TP53BP1: variants seen among roughly 807,000 people sequenced by gnomAD.
TP53BP1 encodes TP53-binding protein 1.
Under a neutral mutation model 200.8 loss-of-function variants are expected in TP53BP1, and 61 were observed. The ratio of observed to expected loss-of-function variants is 0.30; its 90% CI spans 0.25 to 0.38. The LOEUF (loss-of-function observed/expected upper bound fraction) is 0.38. Ranked by LOEUF, TP53BP1 falls within the 10% of genes least tolerant of loss-of-function variation. The pLI is 1.00. For missense variants in TP53BP1, 2,144 were observed against 2,371.9 expected (o/e 0.90, Z 2.00); for synonymous variants, 822 against 844.3 (o/e 0.97, Z 0.46).
chr15:43,495,159 C>G (rs1346561758), upstream of TP53BP1, among the ~76,000 whole-genome samples: 1 of 150,106 alleles, frequency 6.7e-6, no homozygotes, highest in Non-Finnish European at 1.5e-5. Flanking sequence ...ACACTGTGCT[C>G]CAGCCTGGGC....
At chr15:43,478,795 A>T (rs979132368) in intron 7 of TP53BP1, among the ~76,000 whole-genome samples, 8 of 152,256 alleles carry the variant, frequency 5.3e-5, no homozygotes, top group Admixed American at 4.6e-4. Context: ...GTTACTCTTC[A>T]TAACACCAGA....
intron 7 of TP53BP1, among the ~76,000 whole-genome samples, chr15:43,478,689 T>C (rs1462525884): frequency 1.3e-5 from 2 of 152,182 alleles, no homozygotes; most frequent in Non-Finnish European, 2.9e-5. Context: ...CATCTATCGA[T>C]ACCATAAAAT....
intron 12 of TP53BP1, among the ~76,000 whole-genome samples, chr15:43,449,216 C>G (rs1166431326): frequency 6.6e-6 from 1 of 152,118 alleles, no homozygotes; most frequent in Non-Finnish European, 1.5e-5. Context: ...AGACATCCAC[C>G]ATAGTTACAG....
intron 14 of TP53BP1, among the ~76,000 whole-genome samples, chr15:43,443,901 C>T (rs2045985297): frequency 6.6e-6 from 1 of 152,046 alleles, no homozygotes; most frequent in Non-Finnish European, 1.5e-5. Context: ...ATTCATGACC[C>T]AACATAATCT....
upstream of TP53BP1, among the ~76,000 whole-genome samples, chr15:43,494,747 G>C (rs1442013246): frequency 6.6e-6 from 1 of 152,178 alleles, no homozygotes; most frequent in Non-Finnish European, 1.5e-5. Context: ...ACCAGGTCCT[G>C]TTATGAGTAA....
chr15:43,480,914 T>C lies in TP53BP1; in HGVS notation c.480A>G (p.Thr160=), dbSNP rs749323697. The C allele has an allele frequency of 8.7e-6, 14 of 1,614,064 alleles. No homozygotes were observed. The African/African-American group carries it at 1.6e-4, about 18-fold the overall frequency. ...EKEEDTSGNT[T]HSLGAEDTAS... is the part of the protein sequence containing the mutation. ...GGCTACCTTCAGCACCAAGGGAATGTGTAGTATTGCCTGAAGTATCTTCTT... is the reference window on the plus strand; with the variant it reads ...GGCTACCTTCAGCACCAAGGGAATGCGTAGTATTGCCTGAAGTATCTTCTT... The change falls in exon 5 of 28, where the codon ACA becomes ACG. Residue 160 remains threonine, a synonymous_variant. Coordinates refer to ENST00000382044, the MANE Select transcript of TP53BP1 (RefSeq NM_001141980.3).
intron 18 of TP53BP1, among the ~76,000 whole-genome samples, chr15:43,424,291 A>G (rs1419002045): frequency 6.6e-6 from 1 of 152,134 alleles, no homozygotes; most frequent in East Asian, 1.9e-4. Context: ...ACTATTTGCC[A>G]CTTTCTTAAA....
At chr15:43,455,756 C>T in intron 12 of TP53BP1, 136 bp downstream of exon 12, 1 of 1,142,350 alleles carries the variant, frequency 8.8e-7, no homozygotes, top group East Asian at 2.6e-5. Flanking sequence ...AATTTAATTT[C>T]CCAATTATTA....
rs1261536727 is a variant in TP53BP1, at chr15:43,446,454, A to C, written c.2973T>G (p.Cys991Trp). The C allele has an allele frequency of 6.2e-7, 1 of 1,614,042 alleles. No homozygotes were observed. The highest frequency in any genetic ancestry group is 8.5e-7 in the Non-Finnish European group (1 of 1,180,038). Residue 991 changes from cysteine (C) to tryptophan (W), a missense_variant, in exon 14 of 28, where the codon TGT (cysteine) becomes TGG (tryptophan). Cys to Trp is a radical substitution (Grantham distance 215, BLOSUM62 -2). Around this residue, in one of 4 missense-constraint regions of TP53BP1, gnomAD observed 1,700 missense variants for 1,710.3 expected, o/e 0.99. Coordinates refer to ENST00000382044, the MANE Select transcript of TP53BP1 (RefSeq NM_001141980.3). ...CAGGACTAACCAGTTTCATTCTTAG[A>C]CATAATTTATCATCCACGTCTGGGG... ...GAAPDVDDKL[C>W]LRMKLVSPET...
chr15:43,422,007 G>A lies in TP53BP1; in HGVS notation c.3948C>T (p.Ser1316=), dbSNP rs577280345. Residue 1316 remains serine, a synonymous_variant, in exon 19 of 28, where the codon AGC becomes AGT. Coordinates refer to ENST00000382044, the MANE Select transcript of TP53BP1 (RefSeq NM_001141980.3). ...TTGTCCCACTTGATGTGCGGTGTAA[G>A]CTGGATGCCTTGGAGGAGAAGGAGC... is the stretch of plus-strand genomic sequence containing the variant. ...DISSFSSKAS[S]LHRTSSGTSL... is the part of the protein sequence containing the mutation. 146 of 1,614,194 alleles carry A rather than the reference G, an allele frequency of 9.0e-5. No homozygotes were observed. The South Asian group carries it at 1.5e-3, about 17-fold the overall frequency.
upstream of TP53BP1, among the ~76,000 whole-genome samples, chr15:43,495,533 A>ACACACACACACACAC (rs56809321): frequency 1.4e-5 from 2 of 143,162 alleles, no homozygotes; most frequent in African/African-American, 5.1e-5. Context: ...ACACACACAC[A>ACACACACACACACAC]AAAGCCAGGT....
At chr15:43,463,955 C>T (rs2046500190) in intron 11 of TP53BP1, among the ~76,000 whole-genome samples, 1 of 152,186 alleles carries the variant, frequency 6.6e-6, no homozygotes, top group African/African-American at 2.4e-5. Context: ...ACCTCTAGTA[C>T]AGCCAGGCCA....
intron 10 of TP53BP1, 147 bp downstream of exon 10, chr15:43,474,526 T>A (rs1270863760): frequency 1.5e-4 from 57 of 377,238 alleles, no homozygotes; most frequent in East Asian, 4.3e-4. Flanking sequence ...GTAGGTCACA[T>A]CCCTAAAGGT....
intron 11 of TP53BP1, among the ~76,000 whole-genome samples, 182 bp from the exon 12 acceptor site, chr15:43,457,400 C>T (rs980675319): frequency 6.6e-6 from 1 of 152,068 alleles, no homozygotes; most frequent in East Asian, 1.9e-4. Flanking sequence ...GGAGCAGTGG[C>T]ACATGCTCCA....
Position 43,441,533 on chromosome 15 carries a change from C to G in TP53BP1, c.3091G>C (p.Val1031Leu). The G allele has an allele frequency of 6.2e-7, 1 of 1,612,232 alleles. No homozygotes were observed. Among genetic ancestry groups the G allele is most frequent in the Non-Finnish European group, 8.5e-7 (1 of 1,178,360 alleles). Residue 1031 changes from valine to leucine, a missense_variant, in exon 15 of 28, where the codon GTT (valine) becomes CTT (leucine). Physicochemically the swap from Val to Leu is conservative, Grantham distance 32. Around this residue, in one of 4 missense-constraint regions of TP53BP1, gnomAD observed 1,700 missense variants for 1,710.3 expected, o/e 0.99. Coordinates refer to ENST00000382044, the MANE Select transcript of TP53BP1 (RefSeq NM_001141980.3). ...GCATCCAGCTTTGGTTACCTGGCAA[C>G]AGACTCAGCAACAGCAGTAGATCCA... ...KNGSTAVAESVASPQKTMSVL... is the reference protein window; with the variant it reads ...KNGSTAVAESLASPQKTMSVL...
Position 43,407,473 on chromosome 15 carries a change from T to C in TP53BP1, c.5844A>G (p.Ser1948=). The change falls in exon 28 of 28, where the codon TCA becomes TCG. Residue 1948 remains serine (S), a synonymous_variant. Coordinates refer to ENST00000382044, the MANE Select transcript of TP53BP1 (RefSeq NM_001141980.3). ...CAEALQLPVV[S]QEWVIQCLIV... ...TGAGGCACTGGATCACCCACTCTTG[T>C]GACACCACAGGCAGCTGCAATGCTT... The C allele has an allele frequency of 6.2e-7, 1 of 1,614,216 alleles. No individual in the cohort carries two copies. Among genetic ancestry groups the C allele is most frequent in the South Asian group, 1.1e-5 (1 of 91,086 alleles).
At chr15:43,488,726 T>A (rs1016313632) in intron 4 of TP53BP1, among the ~76,000 whole-genome samples, 10 of 152,102 alleles carry the variant, frequency 6.6e-5, no homozygotes, top group African/African-American at 2.4e-4. Context: ...AAACCCCATC[T>A]CTACTAAAAA....
upstream of TP53BP1, among the ~76,000 whole-genome samples, chr15:43,496,770 T>C (rs544441162): frequency 1.3e-5 from 2 of 152,096 alleles, no homozygotes; most frequent in East Asian, 1.9e-4. Flanking sequence ...ATTACAGGCA[T>C]GTGCAACACA....
Position 43,404,057 on chromosome 15 carries a change from TC to T in TP53BP1, c.*3325del. Reference sequence around the variant, plus strand: ...AAATAAGCATTGGGTTGTTCTAACTTCCTCACATCCTCCCCCCTCCTTACTT... The same window carrying T: ...AAATAAGCATTGGGTTGTTCTAACTTCTCACATCCTCCCCCCTCCTTACTT... On this transcript the variant is annotated 3_prime_UTR_variant, in exon 28 of 28. Transcript: ENST00000382044. 1.9e-6 allele frequency: 1 copy of T among 532,532 alleles called. No homozygotes were observed. Among genetic ancestry groups the T allele is most frequent in the Non-Finnish European group, 3.3e-6 (1 of 299,470 alleles). 33.0% of individuals were successfully genotyped at this position (532,532 alleles called of 1,614,324 possible). A position where few individuals can be genotyped will look rare whatever the true frequency, so the allele number is the denominator to read the frequency against.
Sources: allele counts gnomAD v4.1 joint callset (sites outside exome capture counted in the v4.1 genomes callset), GRCh38; gene constraint gnomAD v4.1.1; regional missense constraint gnomAD v4.1.1; transcripts MANE v1.5; gene names NCBI Gene and HGNC (gene_info 2026-07-23, HGNC 2026-07-21).